Variants in DPF3 observed in about 807,000 individuals in gnomAD.
DPF3 encodes the protein zinc finger protein DPF3.
Under a neutral mutation model 56.8 loss-of-function variants are expected in DPF3, and 18 were observed. The ratio of observed to expected loss-of-function variants is 0.32; its 90% CI spans 0.22 to 0.47. The LOEUF (loss-of-function observed/expected upper bound fraction) is 0.47. Among genes scored for constraint, DPF3 ranks in the 20% least tolerant of loss-of-function variants. The pLI, the probability that DPF3 is intolerant of heterozygous loss-of-function variation, is 1.00. For synonymous variants in DPF3, 188 were observed against 180.2 expected, an observed-to-expected ratio of 1.04 and a Z score of -0.35; for missense variants, 403 against 488.8, an observed-to-expected ratio of 0.82 and a Z score of 1.65.
At chr14:72,670,905 C>A in intron 8 of DPF3, 1 of 1,262,922 alleles carries the variant, frequency 7.9e-7, no homozygotes, top group East Asian at 4.1e-5. Context: ...CGGAAGAACG[C>A]TCATTCTGCT....
chr14:72,822,555 G>T (rs1883600543), intron 1 of DPF3, among the ~76,000 whole-genome samples: 1 of 152,122 alleles, frequency 6.6e-6, no homozygotes, highest in Non-Finnish European at 1.5e-5. Flanking sequence ...AACAAAACAG[G>T]TAAGTCTATA....
At chr14:72,715,600 A>G (rs555438939) in intron 5 of DPF3, among the ~76,000 whole-genome samples, 26 of 151,950 alleles carry the variant, frequency 1.7e-4, no homozygotes, top group African/African-American at 6.3e-4. Context: ...TTGATGGTGG[A>G]AAGGCCTTGG....
chr14:72,807,288 T>C (rs971896776), intron 1 of DPF3, among the ~76,000 whole-genome samples: 2 of 152,244 alleles, frequency 1.3e-5, no homozygotes, highest in African/African-American at 4.8e-5. Flanking sequence ...AAAATGAGAA[T>C]TGAAGCACCT....
chr14:72,783,314 C>T (rs1235505681), intron 1 of DPF3, among the ~76,000 whole-genome samples: 1 of 152,180 alleles, frequency 6.6e-6, no homozygotes, highest in African/African-American at 2.4e-5. Flanking sequence ...ACGAGAGCAG[C>T]GTCCTTGTCT....
At chr14:72,735,122 T>A (rs1177746051) in intron 3 of DPF3, among the ~76,000 whole-genome samples, 1 of 152,134 alleles carries the variant, frequency 6.6e-6, no homozygotes, top group Non-Finnish European at 1.5e-5. Context: ...CTCCACCCTG[T>A]CTCTCTGTGG....
intron 6 of DPF3, among the ~76,000 whole-genome samples, chr14:72,705,600 C>A (rs749974354): frequency 9.9e-5 from 15 of 152,162 alleles, no homozygotes; most frequent in Non-Finnish European, 2.1e-4. Context: ...TTCCCAGCAA[C>A]CCTGGTCTAA....
intron 1 of DPF3, among the ~76,000 whole-genome samples, chr14:72,849,012 T>G (rs112185416): frequency 8.5e-5 from 13 of 152,290 alleles, no homozygotes; most frequent in African/African-American, 3.1e-4. Flanking sequence ...GTAGAAAATA[T>G]TAATATCTCC....
intron 1 of DPF3, among the ~76,000 whole-genome samples, chr14:72,884,971 T>TATATATATATACATATATATATATATA (rs10523148): frequency 9.0e-6 from 1 of 111,686 alleles, no homozygotes; most frequent in Non-Finnish European, 1.9e-5. Flanking sequence ...TATATATATA[T>TATATATATATACATATATATATATATA]TAGCCGGGCG....
At chr14:72,804,696 T>G (rs1893020930) in intron 1 of DPF3, among the ~76,000 whole-genome samples, 2 of 152,266 alleles carry the variant, frequency 1.3e-5, no homozygotes, top group East Asian at 1.9e-4. Flanking sequence ...TGCTAGGGTA[T>G]GACACATAGA....
chr14:72,752,813 T>C (rs1326516704), intron 3 of DPF3, among the ~76,000 whole-genome samples: 1 of 152,190 alleles, frequency 6.6e-6, no homozygotes, highest in Non-Finnish European at 1.5e-5. Context: ...AATTGGCCCC[T>C]TTTTGTGTAA....
At chr14:72,819,074 T>C (rs1883415921) in intron 1 of DPF3, among the ~76,000 whole-genome samples, 1 of 152,194 alleles carries the variant, frequency 6.6e-6, no homozygotes, top group Non-Finnish European at 1.5e-5. Context: ...CAAAAGAAGA[T>C]AGCCAATAAG....
chr14:72,892,961 AAGGAAGGAAGGAAG>A (rs1306904703), intron 1 of DPF3, among the ~76,000 whole-genome samples: 3 of 51,878 alleles, frequency 5.8e-5, no homozygotes, highest in Non-Finnish European at 1.0e-4. Context: ...GGAAGGAAGG[AAGGAAGGAAGGAAG>A]GAAGGAAGGA....
intron 1 of DPF3, among the ~76,000 whole-genome samples, chr14:72,833,022 G>A (rs560090375): frequency 6.6e-6 from 1 of 152,358 alleles, no homozygotes; most frequent in South Asian, 2.1e-4. Context: ...CAACAAAGGA[G>A]TTGGAAGTTT....
chr14:72,877,429 C>T (rs1036404117), intron 1 of DPF3, among the ~76,000 whole-genome samples: 1 of 152,080 alleles, frequency 6.6e-6, no homozygotes, highest in Non-Finnish European at 1.5e-5. Context: ...GGAGCAGGAG[C>T]GCCTTTTGTT....
At chr14:72,754,099 T>C (rs1890691435) in intron 2 of DPF3, among the ~76,000 whole-genome samples, 2 of 152,028 alleles carry the variant, frequency 1.3e-5, no homozygotes, top group South Asian at 2.1e-4. Context: ...ATCACTGTCA[T>C]GCCAAGCACC....
intron 1 of DPF3, among the ~76,000 whole-genome samples, chr14:72,833,805 T>C (rs1884165422): frequency 6.6e-6 from 1 of 152,130 alleles, no homozygotes; most frequent in South Asian, 2.1e-4. Flanking sequence ...AAATAGACAT[T>C]TCTCCACAGA....
At chr14:72,761,068 C>T in intron 2 of DPF3, among the ~76,000 whole-genome samples, 1 of 151,770 alleles carries the variant, frequency 6.6e-6, no homozygotes, top group East Asian at 1.9e-4. Context: ...AACAAAGCTT[C>T]AATATACATG....
chr14:72,789,870 G>A (rs566683602), intron 1 of DPF3, among the ~76,000 whole-genome samples: 173 of 152,264 alleles, frequency 1.1e-3, no homozygotes, highest in Middle Eastern at 3.4e-3. Context: ...TCCACTCACT[G>A]CTCCCTCCTC....
At chr14:72,814,743 G>A (rs1329382845) in intron 1 of DPF3, among the ~76,000 whole-genome samples, 1 of 151,788 alleles carries the variant, frequency 6.6e-6, no homozygotes, top group Non-Finnish European at 1.5e-5. Flanking sequence ...CGGGAAGGCA[G>A]ATGTTGCAGT....
Sources: gnomAD v4.1 joint callset for allele counts (sites outside exome capture counted in the v4.1 genomes callset) on GRCh38, gnomAD v4.1.1 for gene constraint, MANE v1.5 for transcripts, NCBI Gene and HGNC (gene_info 2026-07-23, HGNC 2026-07-21) for gene names.